Variants in LAMA2 observed in about 807,000 individuals in gnomAD.
LAMA2 encodes laminin subunit alpha-2.
LAMA2 carries 269 observed loss-of-function variants against 364.8 expected under a neutral mutation model. The observed-to-expected ratio is 0.74, with a 90% CI of 0.67 to 0.82. The LOEUF (loss-of-function observed/expected upper bound fraction) is 0.82. Among genes scored for constraint, LAMA2 ranks in the 40% least tolerant of loss-of-function variants. The pLI, the probability that LAMA2 is intolerant of heterozygous loss-of-function variation, is 0.00. For missense variants in LAMA2, 3,807 were observed against 3,873.2 expected, an observed-to-expected ratio of 0.98 and a Z score of 0.45; for synonymous variants, 1,379 against 1,370.6, an observed-to-expected ratio of 1.01 and a Z score of -0.14.
At chr6:129,232,329 A>G (rs944039177) in intron 12 of LAMA2, among the ~76,000 whole-genome samples, 5 of 152,082 alleles carry the variant, frequency 3.3e-5, no homozygotes, top group African/African-American at 1.2e-4. Context: ...ATATATTCTT[A>G]TTATAGCAGT....
In LAMA2 at chr6:129,291,408, G is replaced by A. The variant is rs1316221450; in HGVS notation, c.2750-206G>A. Among the ~76,000 whole-genome samples, 4 of 152,286 alleles carry A rather than the reference G, an allele frequency of 2.6e-5. No homozygotes were observed. In the East Asian group the frequency reaches 5.8e-4, roughly 22 times the overall value. On this transcript the variant is annotated intron_variant, in intron 19 of 64. Transcript: ENST00000421865. ...ATGATGGGCCAGACATGATGCTAAA[G>A]CCTTTATGTGAATTATCCCTACAGC...
At chr6:129,434,428 T>C (rs192718806) in intron 41 of LAMA2, among the ~76,000 whole-genome samples, 36 of 152,256 alleles carry the variant, frequency 2.4e-4, no homozygotes, top group African/African-American at 8.7e-4. Context: ...GTGTGTAGCC[T>C]TTGAGTTTTG....
chr6:129,169,324 G>C (rs918818157), intron 9 of LAMA2, among the ~76,000 whole-genome samples: 2 of 149,774 alleles, frequency 1.3e-5, no homozygotes, highest in African/African-American at 5.1e-5. Context: ...TTAATATTTT[G>C]AATTACGTCC....
chr6:129,356,644 A>T (rs1777168341), intron 32 of LAMA2, among the ~76,000 whole-genome samples: 1 of 152,066 alleles, frequency 6.6e-6, no homozygotes, highest in Non-Finnish European at 1.5e-5. Flanking sequence ...GAGAAAGCAA[A>T]CGTGGTTTAG....
At chr6:129,124,275 C>T (rs539980692) in intron 4 of LAMA2, among the ~76,000 whole-genome samples, 2 of 152,244 alleles carry the variant, frequency 1.3e-5, no homozygotes, top group East Asian at 3.9e-4. Flanking sequence ...AGACGATCTT[C>T]TCAGGGATGT....
chr6:129,335,848 T>C (rs1045808137), intron 29 of LAMA2, among the ~76,000 whole-genome samples: 1 of 152,162 alleles, frequency 6.6e-6, no homozygotes. Flanking sequence ...CAAACTGCGT[T>C]CTCCAGACGG....
intron 1 of LAMA2, among the ~76,000 whole-genome samples, chr6:128,968,378 T>C (rs2114611268): frequency 6.6e-6 from 1 of 152,032 alleles, no homozygotes; most frequent in East Asian, 1.9e-4. Context: ...AGTAAACAAG[T>C]CCCCATTCTT....
Position 128,897,682 on chromosome 6 carries a change from G to A in LAMA2, c.112+14325G>A, listed in dbSNP as rs541746015. Reference sequence around the variant, plus strand: ...TTGTTATAGCTTTTCTTCACATAAGGAAATAAATAAGCAAAAAGAGGGAGT... The same window carrying A: ...TTGTTATAGCTTTTCTTCACATAAGAAAATAAATAAGCAAAAAGAGGGAGT... On this transcript the variant is annotated intron_variant, in intron 1 of 64. Transcript: ENST00000421865. Among the ~76,000 whole-genome samples, 261 of 152,236 alleles carry A rather than the reference G, an allele frequency of 1.7e-3. 1 individual carries two copies. Among genetic ancestry groups the A allele is most frequent in the Non-Finnish European group, 3.1e-3 (211 of 67,998 alleles).
chr6:129,399,251 G>A (rs1175439069), intron 37 of LAMA2, among the ~76,000 whole-genome samples: 2 of 152,114 alleles, frequency 1.3e-5, no homozygotes, highest in Non-Finnish European at 2.9e-5. Context: ...AACAAAATAA[G>A]GTAATTATAA....
intron 28 of LAMA2, among the ~76,000 whole-genome samples, chr6:129,325,423 C>T (rs988579801): frequency 6.6e-6 from 1 of 151,964 alleles, no homozygotes; most frequent in Non-Finnish European, 1.5e-5. Flanking sequence ...TTCTCACAAA[C>T]TTTTGTCTCA....
At chr6:129,370,601 T>C (rs557202283) in intron 34 of LAMA2, among the ~76,000 whole-genome samples, 1 of 152,380 alleles carries the variant, frequency 6.6e-6, no homozygotes, top group Admixed American at 6.5e-5. Flanking sequence ...GCCCGCCATC[T>C]TGTGGCCAGA....
At chr6:128,987,579 A>T (rs1166680061) in intron 1 of LAMA2, among the ~76,000 whole-genome samples, 4 of 152,180 alleles carry the variant, frequency 2.6e-5, no homozygotes, top group Admixed American at 2.6e-4. Flanking sequence ...TTCTGTTTCC[A>T]TAGGTTCTCC....
chr6:128,950,213 C>G (rs1270156682), intron 1 of LAMA2, among the ~76,000 whole-genome samples: 1 of 152,068 alleles, frequency 6.6e-6, no homozygotes, highest in Non-Finnish European at 1.5e-5. Flanking sequence ...TTGTTCCATA[C>G]TGGAGAATGG....
intron 1 of LAMA2, among the ~76,000 whole-genome samples, chr6:128,893,437 TTAA>T (rs1776584869): frequency 6.6e-6 from 1 of 151,880 alleles, no homozygotes; most frequent in Admixed American, 6.6e-5. Flanking sequence ...AATAATGTTG[TTAA>T]TAATGTTATG....
chr6:129,369,227 ACCCGCTATGGTTTTGTCTGCGCTT>A (rs1181410925), intron 33 of LAMA2, among the ~76,000 whole-genome samples: 1 of 150,526 alleles, frequency 6.6e-6, no homozygotes, highest in Admixed American at 6.6e-5. Flanking sequence ...TCTACACAAA[ACCCGCTATGGTTTTGTCTGCGCTT>A]AGACATTACA....
chr6:129,262,523 T>G (rs983950728), intron 15 of LAMA2, among the ~76,000 whole-genome samples: 1 of 152,148 alleles, frequency 6.6e-6, no homozygotes, highest in Non-Finnish European at 1.5e-5. Context: ...GCTTCCTGTA[T>G]CTGTCACACA....
intron 4 of LAMA2, among the ~76,000 whole-genome samples, chr6:129,127,786 T>C (rs1231287244): frequency 6.6e-6 from 1 of 152,222 alleles, no homozygotes; most frequent in Non-Finnish European, 1.5e-5. Context: ...TTCATTTATC[T>C]CTTGGCCATT....
At chr6:129,476,232 G>C (rs891145136) in intron 53 of LAMA2, among the ~76,000 whole-genome samples, 4 of 152,058 alleles carry the variant, frequency 2.6e-5, no homozygotes, top group African/African-American at 9.7e-5. Context: ...TAATAAAGCC[G>C]AACTGATCCA....
intron 12 of LAMA2, among the ~76,000 whole-genome samples, chr6:129,236,380 G>A (rs140787764): frequency 2.0e-5 from 3 of 151,906 alleles, no homozygotes; most frequent in Non-Finnish European, 4.4e-5. Flanking sequence ...ATCTGGTTTC[G>A]GCAGTGCTGG....
Sources: gnomAD v4.1 joint callset for allele counts (sites outside exome capture counted in the v4.1 genomes callset) on GRCh38, gnomAD v4.1.1 for gene constraint, MANE v1.5 for transcripts, NCBI Gene and HGNC (gene_info 2026-07-23, HGNC 2026-07-21) for gene names.